The following ADAMTS19 variants were observed in gnomAD, a reference collection of about 807,000 sequenced individuals.
The protein encoded by ADAMTS19 is ADAM metallopeptidase with thrombospondin type 1 motif 19.
ADAMTS19 carries 93 observed loss-of-function variants against 153.3 expected under a neutral mutation model. That is an observed-to-expected ratio of 0.61 (90% CI 0.51 to 0.72). ADAMTS19 has a LOEUF of 0.72. Ranked by LOEUF, ADAMTS19 falls within the 30% of genes least tolerant of loss-of-function variation. The pLI, the probability that ADAMTS19 is intolerant of heterozygous loss-of-function variation, is 0.00. For synonymous variants in ADAMTS19, 600 were observed against 556.6 expected (o/e 1.08, Z -1.10); for missense variants, 1,482 against 1,552.1 (o/e 0.95, Z 0.76).
At chr5:129,574,663 T>C (rs1339834864) in intron 7 of ADAMTS19, among the ~76,000 whole-genome samples, 4 of 152,118 alleles carry the variant, frequency 2.6e-5, no homozygotes, top group African/African-American at 9.7e-5. Flanking sequence ...AAAACATCTT[T>C]ATTGAGGCAA....
At chr5:129,587,734 G>A (rs946217421) in intron 7 of ADAMTS19, among the ~76,000 whole-genome samples, 7 of 151,986 alleles carry the variant, frequency 4.6e-5, no homozygotes, top group African/African-American at 1.4e-4. Context: ...TTGTTACTCC[G>A]GCTTGTGCTA....
At chr5:129,610,390 T>C (rs1444425381) in intron 8 of ADAMTS19, among the ~76,000 whole-genome samples, 4 of 152,132 alleles carry the variant, frequency 2.6e-5, no homozygotes, top group African/African-American at 9.7e-5. Context: ...GCTGCACCCA[T>C]TAACTTGTCA....
chr5:129,652,633 G>A (rs1355912920), intron 13 of ADAMTS19, among the ~76,000 whole-genome samples: 2 of 152,188 alleles, frequency 1.3e-5, no homozygotes, highest in Non-Finnish European at 2.9e-5. Flanking sequence ...AAATGTTTAT[G>A]TCATCTGTAC....
At chr5:129,630,206 A>G (rs1375246671) in intron 10 of ADAMTS19, among the ~76,000 whole-genome samples, 2 of 152,074 alleles carry the variant, frequency 1.3e-5, no homozygotes, top group Non-Finnish European at 2.9e-5. Context: ...AATGGCAGAA[A>G]CCGCAATTAT....
intron 13 of ADAMTS19, among the ~76,000 whole-genome samples, chr5:129,652,928 G>A (rs1285305299): frequency 1.3e-5 from 2 of 152,120 alleles, no homozygotes; most frequent in Non-Finnish European, 2.9e-5. Flanking sequence ...TGAGGTGTGA[G>A]AGCACACGGA....
rs539403735 is a variant in ADAMTS19 at position 129,546,312 on chromosome 5, A to G, written c.1329-5552A>G. On this transcript the variant is annotated intron_variant, in intron 6 of 22. Transcript: ENST00000274487. ...GATGACGAGTTTGTGGGTGCAGCGC[A>G]CCAGCATGGCACATGTATACATATG... Among the ~76,000 whole-genome samples, 115 of 150,656 alleles carry G rather than the reference A, an allele frequency of 7.6e-4. 7 individuals are homozygous for G. The highest frequency in any genetic ancestry group is 2.6e-3 in the African/African-American group (106 of 40,018).
At chr5:129,518,919 T>A (rs926340717) in intron 3 of ADAMTS19, among the ~76,000 whole-genome samples, 5 of 152,192 alleles carry the variant, frequency 3.3e-5, no homozygotes, top group African/African-American at 1.2e-4. Context: ...TGTTTTCAAA[T>A]AGCCTGTCTT....
intron 3 of ADAMTS19, among the ~76,000 whole-genome samples, chr5:129,525,851 G>A (rs1252645128): frequency 6.6e-6 from 1 of 152,022 alleles, no homozygotes; most frequent in African/African-American, 2.4e-5. Flanking sequence ...ATTAGGATGT[G>A]TGGTGGCAGT....
chr5:129,606,869 A>T (rs1224520784), intron 8 of ADAMTS19, among the ~76,000 whole-genome samples: 1 of 152,064 alleles, frequency 6.6e-6, no homozygotes, highest in Non-Finnish European at 1.5e-5. Flanking sequence ...TCGTGAAAGT[A>T]AATTTGAAAG....
chr5:129,590,380 AG>A (rs1200000142), intron 7 of ADAMTS19, among the ~76,000 whole-genome samples: 1 of 152,180 alleles, frequency 6.6e-6, no homozygotes, highest in Non-Finnish European at 1.5e-5. Flanking sequence ...TTTTAGCGAA[AG>A]GGGATTCAGT....
In ADAMTS19 at chr5:129,631,181, T is replaced by A. The variant is rs80294766; in HGVS notation, c.1770+8833T>A. Among the ~76,000 whole-genome samples, 114 of 138,670 alleles carry A rather than the reference T, an allele frequency of 8.2e-4. 1 individual carries two copies. Among genetic ancestry groups the A allele is most frequent in the African/African-American group, 2.7e-3 (99 of 36,424 alleles). 91.0% of individuals were successfully genotyped at this position (138,670 alleles called of 152,430 possible). On this transcript the variant is annotated intron_variant, in intron 10 of 22. Transcript: ENST00000274487. Reference sequence around the variant, plus strand: ...TTAGGTTTTTTTTTTTTTTTTTTTTTATCACTTAAGCATTCACCTCTTATA... The same window carrying A: ...TTAGGTTTTTTTTTTTTTTTTTTTTAATCACTTAAGCATTCACCTCTTATA...
chr5:129,485,021 C>G (rs1750544925), intron 2 of ADAMTS19, among the ~76,000 whole-genome samples: 1 of 152,096 alleles, frequency 6.6e-6, no homozygotes, highest in Non-Finnish European at 1.5e-5. Context: ...ATACCATCAA[C>G]CTACTTAACC....
At chr5:129,612,486 T>C (rs1051711348) in intron 8 of ADAMTS19, among the ~76,000 whole-genome samples, 3 of 152,018 alleles carry the variant, frequency 2.0e-5, no homozygotes, top group Non-Finnish European at 4.4e-5. Flanking sequence ...GACAAGCAAA[T>C]GCTGAGAGAT....
chr5:129,487,596 T>G (rs575827383), intron 2 of ADAMTS19, among the ~76,000 whole-genome samples: 1 of 152,206 alleles, frequency 6.6e-6, no homozygotes, highest in Non-Finnish European at 1.5e-5. Context: ...TGATAGTACA[T>G]ATATATGTGT....
rs76557945 is a variant in ADAMTS19 at position 129,682,109 on chromosome 5, T to C, written c.2665-2011T>C. 8.3e-3 allele frequency among the ~76,000 whole-genome samples: 1,266 copies of C among 152,258 alleles called. 20 individuals are homozygous for C. Among genetic ancestry groups the C allele is most frequent in the African/African-American group, 0.025 (1,036 of 41,556 alleles). On this transcript the variant is annotated intron_variant, in intron 17 of 22. Coordinates refer to ENST00000274487, the MANE Select transcript of ADAMTS19 (RefSeq NM_133638.6). ...TTAGTGTTGGGTGGAGGGAGTTTCC[T>C]TGCTGCAGAATCCTTAATCTAACTG...
At chr5:129,464,080 G>GGA (rs1749778141) in intron 2 of ADAMTS19, among the ~76,000 whole-genome samples, 1 of 152,168 alleles carries the variant, frequency 6.6e-6, no homozygotes, top group African/African-American at 2.4e-5. Context: ...AAAAAAAGCT[G>GGA]GAGTGTTGTA....
intron 16 of ADAMTS19, among the ~76,000 whole-genome samples, chr5:129,672,390 A>C (rs1581211148): frequency 6.6e-6 from 1 of 152,254 alleles, no homozygotes; most frequent in Non-Finnish European, 1.5e-5. Flanking sequence ...ACTAAAAACA[A>C]AGTGGGAACA....
chr5:129,582,718 G>A (rs531193537), intron 7 of ADAMTS19, among the ~76,000 whole-genome samples: 44 of 150,852 alleles, frequency 2.9e-4, no homozygotes, highest in African/African-American at 5.6e-4. Context: ...GACTACAGGC[G>A]CCCACCACCA....
At chr5:129,639,625 G>A (rs1032115897) in intron 10 of ADAMTS19, among the ~76,000 whole-genome samples, 4 of 152,086 alleles carry the variant, frequency 2.6e-5, no homozygotes, top group Admixed American at 6.5e-5. Context: ...CACCAACAAC[G>A]TTCAACAAGC....
Sources: gnomAD v4.1 joint callset for allele counts (sites outside exome capture counted in the v4.1 genomes callset) on GRCh38, gnomAD v4.1.1 for gene constraint, MANE v1.5 for transcripts, NCBI Gene and HGNC (gene_info 2026-07-23, HGNC 2026-07-21) for gene names.